SIRT1: variants seen among roughly 807,000 people sequenced by gnomAD.
SIRT1 encodes the protein sirtuin 1.
In SIRT1, 24 loss-of-function variants were observed where a neutral mutation model predicts 67.9. That is an observed-to-expected ratio of 0.35 (90% CI 0.26 to 0.50). The LOEUF is 0.50. Ranked by LOEUF, SIRT1 falls within the 20% of genes least tolerant of loss-of-function variation. The pLI is 0.98. For synonymous variants in SIRT1, 378 were observed against 350.7 expected, an observed-to-expected ratio of 1.08 and a Z score of -0.87; for missense variants, 873 against 937.2, an observed-to-expected ratio of 0.93 and a Z score of 0.89.
chr10:67,906,647 C>A, intron 4 of SIRT1, 143 bp from the exon 5 acceptor site: 1 of 804,362 alleles, frequency 1.2e-6, no homozygotes, highest in Non-Finnish European at 1.9e-6. Context: ...GTGTGTGTCG[C>A]ATCCATCTAG....
At chr10:67,887,815 A>ACC (rs1842509669) in intron 2 of SIRT1, among the ~76,000 whole-genome samples, 1 of 152,160 alleles carries the variant, frequency 6.6e-6, no homozygotes, top group African/African-American at 2.4e-5. Flanking sequence ...ACCTCAGGTG[A>ACC]TCCGTCCGCC....
intron 7 of SIRT1, among the ~76,000 whole-genome samples, 191 bp from the exon 8 acceptor site, chr10:67,912,283 A>G (rs1842912150): frequency 6.6e-6 from 1 of 152,140 alleles, no homozygotes; most frequent in Non-Finnish European, 1.5e-5. Context: ...AGCGTTTTAT[A>G]AAAGACACTT....
rs751212678 is a variant in SIRT1, at chr10:67,916,276, C to G, written c.1927C>G (p.Leu643Val). ...TTACTGTATTTCAGGTAATCAGTAT[C>G]TGTTTTTGCCACCAAATCGTTACAT... Reference protein sequence around the residue: ...ISRRLDGNQYLFLPPNRYIFH... With the variant: ...ISRRLDGNQYVFLPPNRYIFH... The change falls in exon 9 of 9, where the codon CTG (leucine) becomes GTG (valine). Residue 643 changes from leucine (L) to valine (V), a missense_variant. By Grantham distance (32) the Leu-to-Val change is conservative (BLOSUM62 1). Transcript: ENST00000212015. 2 of 1,597,370 alleles carry G rather than the reference C, an allele frequency of 1.3e-6. No homozygotes were observed. The highest frequency in any genetic ancestry group is 1.7e-6 in the Non-Finnish European group (2 of 1,166,568).
rs57073724 is a variant in SIRT1, at chr10:67,914,059, A to ATTTTT, written c.1915+1054_1915+1058dup. ...GAACAAAACATCACACAAAAGGTAG[A>ATTTTT]TTTTTTTTTTTTTTTTTTTTTTTTT... is the stretch of plus-strand genomic sequence containing the variant. On this transcript the variant is annotated intron_variant, in intron 8 of 8. Transcript: ENST00000212015. 6.0e-3 allele frequency among the ~76,000 whole-genome samples: 527 copies of ATTTTT among 88,238 alleles called. 40 individuals are homozygous for ATTTTT. Among genetic ancestry groups the ATTTTT allele is most frequent in the African/African-American group, 0.025 (494 of 19,452 alleles). The allele number at this position is 88,238 out of a possible 152,430, so 57.9% of individuals were successfully genotyped here.
At chr10:67,907,927 AAAAC>A in intron 5 of SIRT1, 115 bp from the exon 6 acceptor site, 3 of 818,078 alleles carry the variant, frequency 3.7e-6, no homozygotes, top group East Asian at 2.7e-5. Context: ...GTTAAAAACA[AAAAC>A]AAAAATCCTT....
Position 67,885,073 on chromosome 10 carries a change from G to C in SIRT1, c.352G>C (p.Asp118His). The C allele has an allele frequency of 1.4e-6, 2 of 1,441,226 alleles. No homozygotes were observed. The highest frequency in any genetic ancestry group is 1.8e-6 in the Non-Finnish European group (2 of 1,090,644). 89.3% of individuals were successfully genotyped at this position (1,441,226 alleles called of 1,614,324 possible). A position where few individuals can be genotyped will look rare whatever the true frequency, so the allele number is the denominator to read the frequency against. ...CCCATCTCGGGAGCCACCGCTGGCC[G>C]ACAACTTGTACGACGAAGACGACGA... ...QGPSREPPLA[D>H]NLYDEDDDDE... The change falls in exon 1 of 9, where the codon GAC becomes CAC. Residue 118 changes from aspartate (D) to histidine (H), a missense_variant. This residue lies in a region of SIRT1 where 327 missense variants were observed against 283.9 expected (regional missense o/e 1.15). Coordinates refer to ENST00000212015, the MANE Select transcript of SIRT1 (RefSeq NM_012238.5).
chr10:67,895,217 C>T (rs1258410917), intron 4 of SIRT1, among the ~76,000 whole-genome samples: 1 of 152,164 alleles, frequency 6.6e-6, no homozygotes, highest in African/African-American at 2.4e-5. Context: ...GTCAGGAGTT[C>T]AAGACCAGCC....
chr10:67,884,901 G>A lies in SIRT1; in HGVS notation c.180G>A (p.Val60=). The change falls in exon 1 of 9, where the codon GTG becomes GTA. Residue 60 remains valine, a synonymous_variant. Transcript: ENST00000212015. ...EPGGAAPERE[V]PAAARGCPGA... ...GTGGGGCGGCCCCAGAGCGTGAGGTGCCGGCGGCGGCCAGGGGCTGCCCGG... is the reference window on the plus strand; with the variant it reads ...GTGGGGCGGCCCCAGAGCGTGAGGTACCGGCGGCGGCCAGGGGCTGCCCGG... 1.1e-5 allele frequency: 14 copies of A among 1,220,488 alleles called. No homozygotes were observed. Among genetic ancestry groups the A allele is most frequent in the Non-Finnish European group, 1.3e-5 (13 of 980,542 alleles). 75.6% of individuals were successfully genotyped at this position (1,220,488 alleles called of 1,614,324 possible). A position where few individuals can be genotyped will look rare whatever the true frequency, so the allele number is the denominator to read the frequency against.
chr10:67,911,630 C>CCCTT (rs1412776546), intron 7 of SIRT1, among the ~76,000 whole-genome samples: 1 of 140,488 alleles, frequency 7.1e-6, no homozygotes, highest in Non-Finnish European at 1.5e-5. Context: ...CTCCCTCCCT[C>CCCTT]CCTTCCGTTT....
At chr10:67,906,511 C>T (rs542563640) in intron 4 of SIRT1, among the ~76,000 whole-genome samples, 2 of 151,964 alleles carry the variant, frequency 1.3e-5, no homozygotes, top group Non-Finnish European at 2.9e-5. Context: ...TGTATTACTT[C>T]TGACTTTTAT....
chr10:67,902,957 GGC>G (rs1842765011), intron 4 of SIRT1, among the ~76,000 whole-genome samples: 1 of 152,122 alleles, frequency 6.6e-6, no homozygotes, highest in African/African-American at 2.4e-5. Flanking sequence ...TGAATGTGGT[GGC>G]GCGCACCTGT....
At position 67,892,192 on chromosome 10, in the gene SIRT1, TAAAC is replaced by T. The variant is rs1303605531; in HGVS notation, c.942+642_942+645del. Among the ~76,000 whole-genome samples the T allele has an allele frequency of 5.3e-5, 8 of 152,380 alleles. No homozygotes were observed. In the South Asian group the frequency reaches 8.3e-4, roughly 16 times the overall value. On this transcript the variant is annotated intron_variant, in intron 4 of 8. Transcript: ENST00000212015. ...TTCATTAGTTTTATTCATCAAATAT[TAAAC>T]AAATATTGGTTTTTATATGGAAAAA...
chr10:67,902,281 G>A (rs1405378290), intron 4 of SIRT1, among the ~76,000 whole-genome samples: 2 of 152,266 alleles, frequency 1.3e-5, no homozygotes, highest in African/African-American at 2.4e-5. Context: ...GAGCCACCGC[G>A]CCCGGCTACA....
At chr10:67,893,445 G>A (rs1842604806) in intron 4 of SIRT1, among the ~76,000 whole-genome samples, 1 of 152,102 alleles carries the variant, frequency 6.6e-6, no homozygotes, top group African/African-American at 2.4e-5. Context: ...ATGGCTTCCA[G>A]CGAAGGAGTC....
chr10:67,898,270 A>G (rs969413003), intron 4 of SIRT1, among the ~76,000 whole-genome samples: 3 of 151,096 alleles, frequency 2.0e-5, no homozygotes, highest in Non-Finnish European at 4.4e-5. Context: ...AAAAAAAAAA[A>G]AAAGAAAAGA....
intron 4 of SIRT1, among the ~76,000 whole-genome samples, chr10:67,900,040 T>C (rs1209214164): frequency 2.6e-5 from 4 of 152,112 alleles, no homozygotes; most frequent in African/African-American, 4.8e-5. Context: ...GCCAATAATA[T>C]GCTGCTGTAC....
chr10:67,900,842 G>A (rs1842734404), intron 4 of SIRT1, among the ~76,000 whole-genome samples: 1 of 152,028 alleles, frequency 6.6e-6, no homozygotes, highest in African/African-American at 2.4e-5. Flanking sequence ...CTCCATTTGG[G>A]TGCTTTTTCA....
intron 4 of SIRT1, among the ~76,000 whole-genome samples, chr10:67,895,433 G>A (rs1035183031): frequency 2.6e-5 from 4 of 152,140 alleles, no homozygotes; most frequent in Non-Finnish European, 5.9e-5. Context: ...TGACACGGAG[G>A]ATGGGGAGGG....
chr10:67,897,673 T>C (rs1842679304), intron 4 of SIRT1, among the ~76,000 whole-genome samples: 1 of 152,000 alleles, frequency 6.6e-6, no homozygotes, highest in South Asian at 2.1e-4. Flanking sequence ...ATTTTTTGAA[T>C]TTTTAGTAGA....
Sources: allele counts gnomAD v4.1 joint callset (sites outside exome capture counted in the v4.1 genomes callset), GRCh38; gene constraint gnomAD v4.1.1; regional missense constraint gnomAD v4.1.1; transcripts MANE v1.5; gene names NCBI Gene and HGNC (gene_info 2026-07-23, HGNC 2026-07-21).